PPP2R5E: variants seen among roughly 807,000 people sequenced by gnomAD.
PPP2R5E encodes protein phosphatase 2 regulatory subunit B'epsilon, also known as serine/threonine-protein phosphatase 2A 56 kDa regulatory subunit epsilon isoform.
Under a neutral mutation model 65.3 loss-of-function variants are expected in PPP2R5E, and 4 were observed. The observed-to-expected ratio is 0.06, with a 90% CI of 0.03 to 0.14. PPP2R5E has a LOEUF of 0.14. PPP2R5E is among the 10% of genes least tolerant of loss of function. PPP2R5E has a pLI of 1.00. For missense variants in PPP2R5E, 274 were observed against 556.1 expected, an observed-to-expected ratio of 0.49 and a Z score of 5.10; for synonymous variants, 183 against 187.4, an observed-to-expected ratio of 0.98 and a Z score of 0.19.
chr14:63,508,051 A>G lies in PPP2R5E; in HGVS notation c.157+31478T>C, dbSNP rs77819768. The G allele has an allele frequency of 1.6e-3, 1,184 of 751,736 alleles. 13 individuals carry two copies. The African/African-American group carries it at 0.02, about 13-fold the overall frequency. The allele number at this position is 751,736 out of a possible 1,614,324, so 46.6% of individuals were successfully genotyped here. A position where few individuals can be genotyped will look rare whatever the true frequency, so the allele number is the denominator to read the frequency against. ...TGGCACCTAATGCCTTTGGGATCCAATGTAATAGCCTGATCCAAGCCCATA... is the reference window on the plus strand; with the variant it reads ...TGGCACCTAATGCCTTTGGGATCCAGTGTAATAGCCTGATCCAAGCCCATA... On this transcript the variant is annotated intron_variant, in intron 2 of 13. Transcript: ENST00000337537.
chr14:63,477,359 G>A (rs1455900418), intron 2 of PPP2R5E, among the ~76,000 whole-genome samples: 1 of 152,032 alleles, frequency 6.6e-6, no homozygotes, highest in Non-Finnish European at 1.5e-5. Context: ...AACAAAAATT[G>A]CAGCTAACAT....
At chr14:63,538,135 T>A (rs112659835) in intron 2 of PPP2R5E, among the ~76,000 whole-genome samples, 4,660 of 152,156 alleles carry the variant, frequency 0.031, 162 homozygotes, top group African/African-American at 0.08. Context: ...ATGGAAAAAT[T>A]AGCTGGGCGT....
intron 2 of PPP2R5E, among the ~76,000 whole-genome samples, chr14:63,461,883 C>T (rs944739397): frequency 6.6e-6 from 1 of 152,090 alleles, no homozygotes; most frequent in African/African-American, 2.4e-5. Flanking sequence ...CACATACACA[C>T]ATAGAGTGGT....
intron 2 of PPP2R5E, among the ~76,000 whole-genome samples, chr14:63,483,192 AACAG>A (rs2139602117): frequency 6.6e-6 from 1 of 152,292 alleles, no homozygotes; most frequent in South Asian, 2.1e-4. Flanking sequence ...GTATGTTGAA[AACAG>A]ACAAGTGCAA....
chr14:63,429,395 T>A (rs1887502527), intron 3 of PPP2R5E, among the ~76,000 whole-genome samples: 1 of 152,226 alleles, frequency 6.6e-6, no homozygotes. Flanking sequence ...GTAAATTTTC[T>A]AACCAAAAAG....
At chr14:63,513,055 TG>T (rs1248430706) in intron 2 of PPP2R5E, among the ~76,000 whole-genome samples, 2 of 151,542 alleles carry the variant, frequency 1.3e-5, no homozygotes, top group Non-Finnish European at 2.9e-5. Flanking sequence ...ATTTAATGGC[TG>T]GGGGGGAAAA....
At chr14:63,537,768 C>T (rs558937266) in intron 2 of PPP2R5E, among the ~76,000 whole-genome samples, 2 of 152,060 alleles carry the variant, frequency 1.3e-5, no homozygotes, top group Admixed American at 6.6e-5. Context: ...TCCTCCAAGC[C>T]ACACTAAAGC....
At chr14:63,377,058 G>A (rs1186221526) in intron 13 of PPP2R5E, among the ~76,000 whole-genome samples, 1 of 151,870 alleles carries the variant, frequency 6.6e-6, no homozygotes, top group Non-Finnish European at 1.5e-5. Flanking sequence ...GCTTGAACCC[G>A]GGGGGCGGAG....
At chr14:63,461,326 G>A (rs1379452687) in intron 2 of PPP2R5E, among the ~76,000 whole-genome samples, 1 of 150,152 alleles carries the variant, frequency 6.7e-6, no homozygotes, top group Non-Finnish European at 1.5e-5. Flanking sequence ...AGGATGTTAC[G>A]TGCCAGTAAA....
At chr14:63,495,047 T>C (rs1891477861) in intron 2 of PPP2R5E, among the ~76,000 whole-genome samples, 1 of 149,668 alleles carries the variant, frequency 6.7e-6, no homozygotes, top group Admixed American at 6.7e-5. Context: ...CTACTAAAAA[T>C]ACAAAAATTA....
At chr14:63,522,118 A>AT (rs1213315182) in intron 2 of PPP2R5E, among the ~76,000 whole-genome samples, 6 of 151,612 alleles carry the variant, frequency 4.0e-5, no homozygotes, top group Non-Finnish European at 7.4e-5. Context: ...TGGTTTTCGT[A>AT]TTTTTTTGGT....
At chr14:63,499,233 A>G (rs1284862820) in intron 2 of PPP2R5E, among the ~76,000 whole-genome samples, 1 of 152,182 alleles carries the variant, frequency 6.6e-6, no homozygotes, top group African/African-American at 2.4e-5. Context: ...ACAATTTTGA[A>G]CATATCACAG....
At position 63,420,985 on chromosome 14, in the gene PPP2R5E, G is replaced by A. The variant is rs1302348755; in HGVS notation, c.456+1008C>T. 2.2e-4 allele frequency among the ~76,000 whole-genome samples: 22 copies of A among 98,298 alleles called. 2 individuals are homozygous for A. The highest frequency in any genetic ancestry group is 9.9e-4 in the East Asian group (3 of 3,030). The allele number at this position is 98,298 out of a possible 152,430, so 64.5% of individuals were successfully genotyped here. A position where few individuals can be genotyped will look rare whatever the true frequency, so the allele number is the denominator to read the frequency against. On this transcript the variant is annotated intron_variant, in intron 4 of 13. Coordinates refer to ENST00000337537, the MANE Select transcript of PPP2R5E (RefSeq NM_006246.5). ...GGAGAATGGCGTGAACCCGGGAGGCGGAGCTTGCAGTGAGCCGAGATCCCG... is the reference window on the plus strand; with the variant it reads ...GGAGAATGGCGTGAACCCGGGAGGCAGAGCTTGCAGTGAGCCGAGATCCCG...
intron 2 of PPP2R5E, among the ~76,000 whole-genome samples, chr14:63,515,176 T>C (rs1892617660): frequency 6.6e-6 from 1 of 152,128 alleles, no homozygotes. Flanking sequence ...TCAAAAATGT[T>C]AACAGATGGG....
intron 2 of PPP2R5E, among the ~76,000 whole-genome samples, chr14:63,458,583 CCAT>C (rs1889274793): frequency 6.6e-6 from 1 of 151,894 alleles, no homozygotes; most frequent in South Asian, 2.1e-4. Flanking sequence ...TATTTATTAC[CCAT>C]CATATCATAA....
At chr14:63,504,352 C>T (rs1892054626) in intron 2 of PPP2R5E, among the ~76,000 whole-genome samples, 5 of 152,172 alleles carry the variant, frequency 3.3e-5, no homozygotes, top group Admixed American at 2.6e-4. Context: ...GAGGCCAAGG[C>T]AGGAGGATCA....
chr14:63,419,060 T>C (rs1886863286), intron 4 of PPP2R5E, among the ~76,000 whole-genome samples: 1 of 152,206 alleles, frequency 6.6e-6, no homozygotes, highest in African/African-American at 2.4e-5. Flanking sequence ...TTAGCCAGGC[T>C]GCTCTCAAAC....
chr14:63,430,346 T>C (rs1461660568), intron 3 of PPP2R5E, among the ~76,000 whole-genome samples: 2 of 135,238 alleles, frequency 1.5e-5, no homozygotes, highest in East Asian at 2.1e-4. Flanking sequence ...AAAACCCATG[T>C]ATACATACAT....
chr14:63,401,828 G>T (rs1230746377), intron 5 of PPP2R5E, among the ~76,000 whole-genome samples: 1 of 152,096 alleles, frequency 6.6e-6, no homozygotes, highest in East Asian at 1.9e-4. Context: ...TTTCCATTCT[G>T]CAAGCAGGGA....
Sources: gnomAD v4.1 joint callset for allele counts (sites outside exome capture counted in the v4.1 genomes callset) on GRCh38, gnomAD v4.1.1 for gene constraint, MANE v1.5 for transcripts, NCBI Gene and HGNC (gene_info 2026-07-23, HGNC 2026-07-21) for gene names.